The following MICAL2 variants were observed in gnomAD, a reference collection of about 807,000 sequenced individuals.
MICAL2 encodes [F-actin]-monooxygenase MICAL2.
MICAL2 carries 77 observed loss-of-function variants against 127.3 expected under a neutral mutation model. That is an observed-to-expected ratio of 0.60 (90% CI 0.50 to 0.73). The LOEUF (loss-of-function observed/expected upper bound fraction) is 0.73. MICAL2 is among the 30% of genes least tolerant of loss of function. The probability of loss-of-function intolerance (pLI) is 0.00; values close to 1 mark genes in which losing one functional copy is unlikely to be tolerated. For synonymous variants in MICAL2, 570 were observed against 551.1 expected, an observed-to-expected ratio of 1.03 and a Z score of -0.48; for missense variants, 1,351 against 1,434.4, an observed-to-expected ratio of 0.94 and a Z score of 0.94.
chr11:12,271,495 C>T (rs767630893), upstream of MICAL2, among the ~76,000 whole-genome samples: 5 of 152,182 alleles, frequency 3.3e-5, no homozygotes, highest in Non-Finnish European at 5.9e-5. Flanking sequence ...GCACTGTGCA[C>T]TCACTGGCTG....
intron 2 of MICAL2, among the ~76,000 whole-genome samples, chr11:12,149,868 T>G (rs1034831754): frequency 4.6e-5 from 7 of 152,220 alleles, no homozygotes; most frequent in African/African-American, 1.4e-4. Context: ...CTGGTTGAAC[T>G]GTAGGAGTGT....
intron 32 of MICAL2, among the ~76,000 whole-genome samples, chr11:12,340,136 CTG>C (rs1164231776): frequency 6.6e-6 from 1 of 152,130 alleles, no homozygotes; most frequent in Non-Finnish European, 1.5e-5. Flanking sequence ...AGACGGTCAA[CTG>C]TGTTTGCAAA....
chr11:12,289,209 G>A (rs932805168), downstream of MICAL2, among the ~76,000 whole-genome samples: 8 of 152,244 alleles, frequency 5.3e-5, no homozygotes, highest in Admixed American at 2.0e-4. Flanking sequence ...AAACTCAGGC[G>A]CTGGTGTGCG....
At chr11:12,179,639 A>G (rs972525549) in intron 3 of MICAL2, among the ~76,000 whole-genome samples, 1 of 152,076 alleles carries the variant, frequency 6.6e-6, no homozygotes, top group African/African-American at 2.4e-5. Context: ...TGCCTTTGCA[A>G]TCGTGTTCAG....
intron 1 of MICAL2, among the ~76,000 whole-genome samples, chr11:12,119,090 T>C (rs72862671): frequency 0.012 from 1,803 of 152,260 alleles, 16 homozygotes; most frequent in Non-Finnish European, 0.019. Context: ...AGCCACTGGA[T>C]ACCACCTCCT....
intron 3 of MICAL2, among the ~76,000 whole-genome samples, chr11:12,182,542 T>C (rs1857606714): frequency 6.6e-6 from 1 of 152,244 alleles, no homozygotes; most frequent in African/African-American, 2.4e-5. Flanking sequence ...TAAATTCCTC[T>C]TTCCCTTCCT....
chr11:12,223,485 C>T lies in MICAL2; in HGVS notation c.1524C>T (p.Val508=), dbSNP rs761820763. 5 of 1,613,846 alleles carry T rather than the reference C, an allele frequency of 3.1e-6. No homozygotes were observed. The East Asian group carries it at 8.9e-5, about 29-fold the overall frequency. Reference sequence around the variant, plus strand: ...GACTGGGCTCGGTGAGGAGATCTGTCAACCTCTCCAGGAAGGGTAAGCGGC... The same window carrying T: ...GACTGGGCTCGGTGAGGAGATCTGTTAACCTCTCCAGGAAGGGTAAGCGGC... The part of the protein sequence containing the change: ...LERLGSVRRS[V]NLSRKESDIR... The change falls in exon 12 of 28, where the codon GTC becomes GTT. Residue 508 remains valine (V), a synonymous_variant. Coordinates refer to ENST00000683283, the MANE Select transcript of MICAL2 (RefSeq NM_001282663.2).
downstream of MICAL2, among the ~76,000 whole-genome samples, chr11:12,362,005 G>T (rs1423103212): frequency 2.0e-5 from 3 of 152,210 alleles, no homozygotes; most frequent in Non-Finnish European, 4.4e-5. Flanking sequence ...TAACCTCACT[G>T]CTGAGTAGCT....
chr11:12,195,705 C>CTTTT (rs35521222), intron 3 of MICAL2, among the ~76,000 whole-genome samples: 6 of 144,552 alleles, frequency 4.2e-5, no homozygotes, highest in Non-Finnish European at 4.5e-5. Flanking sequence ...CAATAGATTT[C>CTTTT]TTTTTTTTTT....
chr11:12,206,672 C>A (rs1159348485), intron 4 of MICAL2, among the ~76,000 whole-genome samples: 1 of 152,164 alleles, frequency 6.6e-6, no homozygotes, highest in African/African-American at 2.4e-5. Context: ...CTCCAGTTCC[C>A]ACTGTGGCCA....
chr11:12,181,245 ATTC>A (rs1379580894), intron 3 of MICAL2, among the ~76,000 whole-genome samples: 1 of 152,190 alleles, frequency 6.6e-6, no homozygotes, highest in Non-Finnish European at 1.5e-5. Context: ...TGCCCGGCCT[ATTC>A]TTACATTTAT....
At chr11:12,345,005 G>A (rs1190027324) in intron 32 of MICAL2, among the ~76,000 whole-genome samples, 3 of 151,502 alleles carry the variant, frequency 2.0e-5, no homozygotes, top group Non-Finnish European at 1.5e-5. Flanking sequence ...CCAGCTACTC[G>A]GGAGGCTGAG....
intron 1 of MICAL2, among the ~76,000 whole-genome samples, chr11:12,126,077 C>G (rs1324360552): frequency 6.6e-6 from 1 of 152,206 alleles, no homozygotes; most frequent in Non-Finnish European, 1.5e-5. Context: ...TCCTGCAGAG[C>G]CTGGCATAGG....
chr11:12,111,583 A>G (rs1849611824), intron 1 of MICAL2, among the ~76,000 whole-genome samples: 3 of 152,182 alleles, frequency 2.0e-5, no homozygotes, highest in Non-Finnish European at 4.4e-5. Flanking sequence ...CTCCTTCCAC[A>G]TTGTTTATTC....
In MICAL2 at chr11:12,354,741, C is replaced by G. The variant is rs907660969; in HGVS notation, c.5616-43C>G. ...GGGCTTATTCATCAATGTTTCCTCA[C>G]AAATCTATAGTATTCATAAAATTTG... On this transcript the variant is annotated intron_variant, in intron 33 of 34. Coordinates refer to the MICAL2 transcript ENST00000646065. 11 of 1,567,612 alleles carry G rather than the reference C, an allele frequency of 7.0e-6. No individual in the cohort carries two copies. In the Admixed American group the frequency reaches 1.2e-4, roughly 17 times the overall value.
chr11:12,159,153 GC>G (rs1459121195), intron 2 of MICAL2, among the ~76,000 whole-genome samples: 1 of 152,150 alleles, frequency 6.6e-6, no homozygotes, highest in African/African-American at 2.4e-5. Flanking sequence ...CGCCTATCCA[GC>G]CCTCAGCACC....
chr11:12,291,774 CTG>C (rs1863905165), downstream of MICAL2, among the ~76,000 whole-genome samples: 1 of 152,228 alleles, frequency 6.6e-6, no homozygotes, highest in Admixed American at 6.5e-5. Context: ...GGTTTATTGA[CTG>C]AGTGATTTAA....
chr11:12,348,153 C>CAG, intron 32 of MICAL2, among the ~76,000 whole-genome samples: 1 of 79,140 alleles, frequency 1.3e-5, no homozygotes, highest in South Asian at 5.8e-4. Context: ...GACTCTGTCT[C>CAG]AAAAAAAAAA....
chr11:12,304,687 CACACACA>C (rs1590730221), intron 29 of MICAL2, among the ~76,000 whole-genome samples: 3 of 144,900 alleles, frequency 2.1e-5, no homozygotes, highest in South Asian at 2.2e-4. Context: ...CACACACACA[CACACACA>C]AAACATTCTT....
Sources: allele counts gnomAD v4.1 joint callset (sites outside exome capture counted in the v4.1 genomes callset), GRCh38; gene constraint gnomAD v4.1.1; transcripts MANE v1.5; gene names NCBI Gene and HGNC (gene_info 2026-07-23, HGNC 2026-07-21).